The following LRP6 variants were observed in gnomAD, a reference collection of about 807,000 sequenced individuals.
LRP6 encodes LDL receptor related protein 6, also known as low-density lipoprotein receptor-related protein 6.
Under a neutral mutation model 184.1 loss-of-function variants are expected in LRP6, and 43 were observed. That is an observed-to-expected ratio of 0.23 (90% CI 0.18 to 0.30). The LOEUF is 0.30. Among genes scored for constraint, LRP6 ranks in the 10% least tolerant of loss-of-function variants. The pLI, the probability that LRP6 is intolerant of heterozygous loss-of-function variation, is 1.00. For missense variants in LRP6, 1,571 were observed against 2,005.3 expected, an observed-to-expected ratio of 0.78 and a Z score of 4.14; for synonymous variants, 719 against 684.9, an observed-to-expected ratio of 1.05 and a Z score of -0.78.
At position 12,181,542 on chromosome 12, in the gene LRP6, A is replaced by T; in HGVS notation, c.977-103T>A. The T allele has an allele frequency of 5.5e-6, 4 of 727,340 alleles. No individual in the cohort carries two copies. In the South Asian group the frequency reaches 6.0e-5, roughly 11 times the overall value. The allele number at this position is 727,340 out of a possible 1,614,324, so 45.1% of individuals were successfully genotyped here. A position where few individuals can be genotyped will look rare whatever the true frequency, so the allele number is the denominator to read the frequency against. On this transcript the variant is annotated intron_variant, in intron 5 of 22. Coordinates refer to ENST00000261349, the MANE Select transcript of LRP6 (RefSeq NM_002336.3). ...ACTGAAAAATAAATATAAAATATAC[A>T]TAAATTAACACAAAAGGATGTGCAC...
Position 12,219,329 on chromosome 12 carries a change from C to T in LRP6, c.450-15929G>A, listed in dbSNP as rs532163810. ...CAAACGATTCTCCTGCCTCAGCCTC[C>T]CAAGTAGCTGGGACTATAGGTGCCC... On this transcript the variant is annotated intron_variant, in intron 2 of 22. Transcript: ENST00000261349. Among the ~76,000 whole-genome samples the T allele has an allele frequency of 2.8e-3, 431 of 152,240 alleles. 1 individual carries two copies. Among genetic ancestry groups the T allele is most frequent in the African/African-American group, 9.9e-3 (410 of 41,530 alleles).
chr12:12,138,509 G>C lies in LRP6; in HGVS notation c.3423C>G (p.Asp1141Glu), dbSNP rs778837998. 5 of 1,613,882 alleles carry C rather than the reference G, an allele frequency of 3.1e-6. No individual in the cohort carries two copies. The East Asian group carries it at 6.7e-5, about 22-fold the overall frequency. ...LSGANRIVLEDSNILQPVGLT... is the reference protein window; with the variant it reads ...LSGANRIVLEESNILQPVGLT... ...GTCCCACAGGCTGCAAGATATTGGAGTCTTCTAATACTATCCGGTTAGCAC... is the reference window on the plus strand; with the variant it reads ...GTCCCACAGGCTGCAAGATATTGGACTCTTCTAATACTATCCGGTTAGCAC... The change falls in exon 16 of 23, where the codon GAC becomes GAG. Residue 1141 changes from aspartate (D) to glutamate (E), a missense_variant. Physicochemically the swap from Asp to Glu is conservative, Grantham distance 45. Transcript: ENST00000261349.
intron 7 of LRP6, among the ~76,000 whole-genome samples, chr12:12,170,105 C>T (rs1030122140): frequency 6.6e-6 from 1 of 152,116 alleles, no homozygotes; most frequent in Admixed American, 6.5e-5. Context: ...GAGTCCAAGG[C>T]GGGTGGATCA....
At chr12:12,195,927 C>T (rs1863744124) in intron 3 of LRP6, among the ~76,000 whole-genome samples, 2 of 152,156 alleles carry the variant, frequency 1.3e-5, no homozygotes, top group Admixed American at 6.5e-5. Flanking sequence ...GTTTCCCCAG[C>T]ATCATTTATT....
At chr12:12,253,474 T>G (rs1865377460) in intron 1 of LRP6, among the ~76,000 whole-genome samples, 2 of 152,032 alleles carry the variant, frequency 1.3e-5, no homozygotes, top group Admixed American at 1.3e-4. Flanking sequence ...GTGCACAACG[T>G]GCAGGTTTGT....
Position 12,181,189 on chromosome 12 carries a change from A to G in LRP6, c.1227T>C (p.Ala409=), listed in dbSNP as rs1863335727. 1 of 1,614,174 alleles carries G rather than the reference A, an allele frequency of 6.2e-7. No homozygotes were observed. The highest frequency in any genetic ancestry group is 8.5e-7 in the Non-Finnish European group (1 of 1,180,006). The change falls in exon 6 of 23, where the codon GCT becomes GCC. Residue 409 remains alanine (A), a synonymous_variant. Transcript: ENST00000261349. ...AAAGATTTCGTGCAACCCAGTCCAC[A>G]GCAATACCATCAGGATGGGCAATTT... ...TAQIAHPDGI[A]VDWVARNLYW...
rs189583306 is a variant in LRP6 at position 12,165,647 on chromosome 12, A to G, written c.1546-352T>C. On this transcript the variant is annotated intron_variant, in intron 7 of 22. Coordinates refer to ENST00000261349, the MANE Select transcript of LRP6 (RefSeq NM_002336.3). ...CAAATTATAATGTACCTTCATATAC[A>G]TTATTTTATCATATATTTTGTTTTA... Among the ~76,000 whole-genome samples, 204 of 152,312 alleles carry G rather than the reference A, an allele frequency of 1.3e-3. No homozygotes were observed. The Middle Eastern group carries it at 0.02, about 15-fold the overall frequency.
At chr12:12,140,339 T>C (rs1949911150) in intron 15 of LRP6, among the ~76,000 whole-genome samples, 1 of 152,024 alleles carries the variant, frequency 6.6e-6, no homozygotes, top group Admixed American at 6.6e-5. Context: ...GGAGACAAAT[T>C]TGAGAAGCTC....
At chr12:12,227,213 G>C (rs749919121) in intron 2 of LRP6, among the ~76,000 whole-genome samples, 1 of 152,094 alleles carries the variant, frequency 6.6e-6, no homozygotes, top group Non-Finnish European at 1.5e-5. Context: ...TCCTTAAAAA[G>C]TGAAGGAGAA....
chr12:12,130,590 T>C (rs778935867), intron 19 of LRP6, among the ~76,000 whole-genome samples, 193 bp downstream of exon 19: 1 of 152,250 alleles, frequency 6.6e-6, no homozygotes, highest in Non-Finnish European at 1.5e-5. Context: ...TGAAGATTTC[T>C]GTGCATAAGA....
chr12:12,251,489 G>A (rs1045221894), intron 1 of LRP6, among the ~76,000 whole-genome samples: 10 of 151,708 alleles, frequency 6.6e-5, no homozygotes, highest in East Asian at 1.9e-4. Flanking sequence ...TCAGCCTCCC[G>A]AGTAGCTGGG....
At chr12:12,157,328 C>T (rs1052344696) in intron 12 of LRP6, among the ~76,000 whole-genome samples, 1 of 152,010 alleles carries the variant, frequency 6.6e-6, no homozygotes, top group Non-Finnish European at 1.5e-5. Context: ...CTTCAACACA[C>T]ACGCTGCTGC....
chr12:12,191,129 T>C (rs1224599779), intron 3 of LRP6, among the ~76,000 whole-genome samples: 1 of 152,218 alleles, frequency 6.6e-6, no homozygotes, highest in Admixed American at 6.5e-5. Context: ...CAACCAGCTA[T>C]GAGGTGTTCT....
intron 2 of LRP6, among the ~76,000 whole-genome samples, chr12:12,233,463 ATC>A (rs1433958956): frequency 7.9e-5 from 12 of 152,248 alleles, no homozygotes; most frequent in South Asian, 2.1e-4. Flanking sequence ...GTCAGACTCC[ATC>A]TCAAAAAAAT....
chr12:12,170,646 C>T lies in LRP6; in HGVS notation c.1546-5351G>A, dbSNP rs186770756. ...ATTAATTGGTTCCTTTTTTAGTTTA[C>T]ATCACTGTCCCCTCTATACCTGTCA... On this transcript the variant is annotated intron_variant, in intron 7 of 22. Transcript: ENST00000261349. Among the ~76,000 whole-genome samples the T allele has an allele frequency of 5.9e-5, 9 of 152,076 alleles. No homozygotes were observed. The East Asian group carries it at 1.7e-3, about 29-fold the overall frequency.
intron 1 of LRP6, among the ~76,000 whole-genome samples, chr12:12,264,167 T>A (rs1373899203): frequency 9.2e-5 from 14 of 151,908 alleles, no homozygotes; most frequent in African/African-American, 3.4e-4. Context: ...TTGTGAACGT[T>A]ATACAAATTA....
At chr12:12,170,791 T>TCACACA (rs10571241) in intron 7 of LRP6, among the ~76,000 whole-genome samples, 88 of 142,904 alleles carry the variant, frequency 6.2e-4, no homozygotes, top group East Asian at 2.9e-3. Flanking sequence ...TAAAATTACT[T>TCACACA]CACACACACA....
At chr12:12,133,309 G>A (rs1380211324) in intron 17 of LRP6, among the ~76,000 whole-genome samples, 1 of 152,146 alleles carries the variant, frequency 6.6e-6, no homozygotes, top group African/African-American at 2.4e-5. Context: ...GTGAGGCCTG[G>A]TGGGAAGTGT....
At chr12:12,233,858 T>TAAA (rs559535712) in intron 2 of LRP6, among the ~76,000 whole-genome samples, 1 of 147,322 alleles carries the variant, frequency 6.8e-6, no homozygotes, top group African/African-American at 2.5e-5. Flanking sequence ...CTCAGCTAAT[T>TAAA]AAAAAAAAAA....
Sources: allele counts gnomAD v4.1 joint callset (sites outside exome capture counted in the v4.1 genomes callset), GRCh38; gene constraint gnomAD v4.1.1; transcripts MANE v1.5; gene names NCBI Gene and HGNC (gene_info 2026-07-23, HGNC 2026-07-21).